JMJD1C: variants seen among roughly 807,000 people sequenced by gnomAD.
JMJD1C encodes the protein jumonji domain-containing protein 1C.
In JMJD1C, 31 loss-of-function variants were observed where a neutral mutation model predicts 245.3. The ratio of observed to expected loss-of-function variants is 0.13; its 90% CI spans 0.09 to 0.17. The LOEUF is 0.17. Ranked by LOEUF, JMJD1C falls within the 10% of genes least tolerant of loss-of-function variation. The pLI, the probability that JMJD1C is intolerant of heterozygous loss-of-function variation, is 1.00. For missense variants in JMJD1C, 2,691 were observed against 3,000.2 expected (o/e 0.90, Z 2.41); for synonymous variants, 1,057 against 1,017.4 (o/e 1.04, Z -0.74).
At chr10:63,284,151 G>A (rs1857711651) in intron 2 of JMJD1C, among the ~76,000 whole-genome samples, 1 of 151,890 alleles carries the variant, frequency 6.6e-6, no homozygotes, top group Non-Finnish European at 1.5e-5. Flanking sequence ...TCAGCCTCCT[G>A]AGTAACAGGG....
intron 1 of JMJD1C, among the ~76,000 whole-genome samples, chr10:63,509,110 A>G (rs1234070074): frequency 6.6e-6 from 1 of 152,168 alleles, no homozygotes; most frequent in Non-Finnish European, 1.5e-5. Flanking sequence ...CTCTCTTCCT[A>G]ATTTACTGAA....
intron 1 of JMJD1C, among the ~76,000 whole-genome samples, chr10:63,409,534 G>A (rs553622565): frequency 6.6e-6 from 1 of 152,200 alleles, no homozygotes; most frequent in East Asian, 1.9e-4. Flanking sequence ...ATAATATTAG[G>A]TGAATGAAGG....
chr10:63,228,276 A>C (rs894108573), intron 3 of JMJD1C, among the ~76,000 whole-genome samples: 11 of 152,218 alleles, frequency 7.2e-5, no homozygotes, highest in Non-Finnish European at 1.3e-4. Context: ...TTTCTATATT[A>C]GCATTCTATG....
intron 2 of JMJD1C, among the ~76,000 whole-genome samples, chr10:63,345,934 A>G (rs1305770642): frequency 6.6e-6 from 1 of 152,222 alleles, no homozygotes; most frequent in African/African-American, 2.4e-5. Flanking sequence ...ACGGAATAAA[A>G]GGAAACAGAC....
intron 2 of JMJD1C, among the ~76,000 whole-genome samples, chr10:63,345,549 G>T (rs1448043367): frequency 6.7e-6 from 1 of 149,668 alleles, no homozygotes; most frequent in Non-Finnish European, 1.5e-5. Flanking sequence ...CAGCATAAAT[G>T]AATCTCAAAA....
intron 8 of JMJD1C, 81 bp from the exon 9 acceptor site, chr10:63,209,316 G>C: frequency 8.4e-7 from 1 of 1,183,494 alleles, no homozygotes; most frequent in Non-Finnish European, 1.1e-6. Flanking sequence ...GTAGAACTGG[G>C]TATGATCTTG....
At chr10:63,245,668 AGAG>A (rs925616192) in intron 3 of JMJD1C, among the ~76,000 whole-genome samples, 1 of 151,972 alleles carries the variant, frequency 6.6e-6, no homozygotes, top group Non-Finnish European at 1.5e-5. Flanking sequence ...TTTTTAGTAG[AGAG>A]GAGGTTTCAC....
At chr10:63,356,279 T>C (rs1264696470) in intron 2 of JMJD1C, among the ~76,000 whole-genome samples, 3 of 152,194 alleles carry the variant, frequency 2.0e-5, no homozygotes, top group Non-Finnish European at 2.9e-5. Flanking sequence ...ATACTAGATA[T>C]TTTCTGGCAT....
intron 2 of JMJD1C, among the ~76,000 whole-genome samples, chr10:63,289,502 T>C (rs1275179982): frequency 6.6e-6 from 1 of 152,344 alleles, no homozygotes; most frequent in African/African-American, 2.4e-5. Flanking sequence ...TTGTTTTTTC[T>C]AGCAGTGGCA....
intron 2 of JMJD1C, among the ~76,000 whole-genome samples, chr10:63,267,544 A>C (rs902575084): frequency 6.6e-6 from 1 of 152,206 alleles, no homozygotes; most frequent in Non-Finnish European, 1.5e-5. Context: ...CACTCTAAAG[A>C]TATATCATTC....
Position 63,264,776 on chromosome 10 carries a change from A to G in JMJD1C, c.334-12T>C. ...AGAGGTTTGAAAGTCTGCCAAGAAA[A>G]AAAAAATTTCTAATGATAATTTTCT... On this transcript the variant is annotated splice_polypyrimidine_tract_variant and intron_variant, in intron 2 of 25. Coordinates refer to ENST00000399262, the MANE Select transcript of JMJD1C (RefSeq NM_032776.3). The G allele has an allele frequency of 1.5e-6, 2 of 1,304,256 alleles. No homozygotes were observed. The highest frequency in any genetic ancestry group is 2.5e-5 in the South Asian group (2 of 78,854). 80.8% of individuals were successfully genotyped at this position (1,304,256 alleles called of 1,614,324 possible).
At chr10:63,305,720 T>C (rs143388318) in intron 2 of JMJD1C, among the ~76,000 whole-genome samples, 6 of 151,042 alleles carry the variant, frequency 4.0e-5, no homozygotes, top group African/African-American at 1.5e-4. Flanking sequence ...GCTATACTTG[T>C]ATTCAAACTG....
At chr10:63,430,670 T>G (rs1256660069) in intron 1 of JMJD1C, among the ~76,000 whole-genome samples, 1 of 152,226 alleles carries the variant, frequency 6.6e-6, no homozygotes, top group Non-Finnish European at 1.5e-5. Context: ...GGGTCATGGT[T>G]GCACAACTCT....
intron 1 of JMJD1C, chr10:63,427,475 A>G: frequency 8.2e-7 from 1 of 1,225,004 alleles, no homozygotes; most frequent in African/African-American, 1.5e-5. Flanking sequence ...ACCAAGACCA[A>G]CAGGATGTCC....
intron 3 of JMJD1C, among the ~76,000 whole-genome samples, chr10:63,245,051 C>G (rs1851997425): frequency 6.9e-6 from 1 of 144,100 alleles, no homozygotes; most frequent in African/African-American, 2.6e-5. Context: ...GCATGAGAAC[C>G]TGAACCCAAG....
chr10:63,260,585 C>CA lies in JMJD1C; in HGVS notation c.447+4065dup, dbSNP rs1158870261. On this transcript the variant is annotated intron_variant, in intron 3 of 25. Transcript: ENST00000399262. ...AATACCACAGAGATTATAGTAACAA[C>CA]AAAAAAAAAACTATTTTTTTTTGAG... 3.6e-3 allele frequency among the ~76,000 whole-genome samples: 530 copies of CA among 146,438 alleles called. 2 individuals carry two copies. Among genetic ancestry groups the CA allele is most frequent in the African/African-American group, 0.012 (476 of 40,080 alleles).
intron 1 of JMJD1C, among the ~76,000 whole-genome samples, chr10:63,519,472 T>C (rs1396232939): frequency 6.6e-6 from 1 of 152,182 alleles, no homozygotes; most frequent in Non-Finnish European, 1.5e-5. Context: ...GTTTACCCTA[T>C]CTGAGGCTAG....
intron 2 of JMJD1C, among the ~76,000 whole-genome samples, chr10:63,351,148 G>A (rs142649222): frequency 7.9e-5 from 11 of 138,598 alleles, no homozygotes; most frequent in Admixed American, 2.2e-4. Context: ...GTGAGATCTC[G>A]GCCCACTGCA....
At chr10:63,370,153 T>C (rs973075594) in intron 2 of JMJD1C, among the ~76,000 whole-genome samples, 1 of 152,130 alleles carries the variant, frequency 6.6e-6, no homozygotes, top group Admixed American at 6.5e-5. Flanking sequence ...ACCCTAAACA[T>C]CTCTTCCCCT....
Sources: allele counts gnomAD v4.1 joint callset (sites outside exome capture counted in the v4.1 genomes callset), GRCh38; gene constraint gnomAD v4.1.1; transcripts MANE v1.5; gene names NCBI Gene and HGNC (gene_info 2026-07-23, HGNC 2026-07-21).